Variants in GAP43 observed in about 807,000 individuals in gnomAD.
GAP43 encodes growth associated protein 43.
Under a neutral mutation model 18.6 loss-of-function variants are expected in GAP43, and 6 were observed. The observed-to-expected ratio is 0.32, with a 90% CI of 0.18 to 0.64. GAP43 has a LOEUF of 0.64. Ranked by LOEUF, GAP43 falls within the 30% of genes least tolerant of loss-of-function variation. The pLI, the probability that GAP43 is intolerant of heterozygous loss-of-function variation, is 0.78. For missense variants in GAP43, 292 were observed against 295.5 expected (o/e 0.99, Z 0.09); for synonymous variants, 115 against 111.4 (o/e 1.03, Z -0.20).
intron 1 of GAP43, among the ~76,000 whole-genome samples, chr3:115,667,205 G>C (rs1708745142): frequency 6.6e-6 from 1 of 152,124 alleles, no homozygotes; most frequent in Non-Finnish European, 1.5e-5. Flanking sequence ...AACAGATAAA[G>C]TTCTGTTCTC....
intron 2 of GAP43, among the ~76,000 whole-genome samples, chr3:115,693,779 G>C (rs187084573): frequency 6.3e-4 from 89 of 140,984 alleles, no homozygotes; most frequent in Non-Finnish European, 1.0e-3. Context: ...AAAATAAAAT[G>C]ATGGGGGCTG....
At chr3:115,640,290 T>C (rs1708379111) in intron 1 of GAP43, among the ~76,000 whole-genome samples, 1 of 152,046 alleles carries the variant, frequency 6.6e-6, no homozygotes, top group Admixed American at 6.6e-5. Context: ...GTGAAGAAGA[T>C]GCATGAGTAG....
rs115153263 is a variant in GAP43 at position 115,692,631 on chromosome 3, G to A, written c.628+16021G>A. ...ATGATGAAGCATTGGTGAGGATACC[G>A]GCCTTAGTAGTTTGTGCCAGTGAGG... On this transcript the variant is annotated intron_variant, in intron 2 of 2. Coordinates refer to ENST00000305124, the MANE Select transcript of GAP43 (RefSeq NM_002045.4). 2.8e-3 allele frequency among the ~76,000 whole-genome samples: 428 copies of A among 152,242 alleles called. 1 individual carries two copies. Among genetic ancestry groups the A allele is most frequent in the African/African-American group, 9.9e-3 (412 of 41,546 alleles).
At chr3:115,630,690 C>T (rs752377102) in intron 1 of GAP43, among the ~76,000 whole-genome samples, 1 of 152,184 alleles carries the variant, frequency 6.6e-6, no homozygotes, top group Non-Finnish European at 1.5e-5. Context: ...ATCTTGCTTA[C>T]TGCTCCCAAT....
At chr3:115,642,380 ACTATG>A (rs1708408352) in intron 1 of GAP43, among the ~76,000 whole-genome samples, 1 of 151,898 alleles carries the variant, frequency 6.6e-6, no homozygotes, top group South Asian at 2.1e-4. Context: ...TGAGCCAAGA[ACTATG>A]CTGGGTACTG....
At chr3:115,661,702 A>G (rs1708661309) in intron 1 of GAP43, among the ~76,000 whole-genome samples, 1 of 151,670 alleles carries the variant, frequency 6.6e-6, no homozygotes, top group African/African-American at 2.4e-5. Flanking sequence ...GTTAGCCAGG[A>G]TGGTCTCGAT....
chr3:115,624,345 A>G (rs1480583438), intron 1 of GAP43, among the ~76,000 whole-genome samples: 3 of 150,498 alleles, frequency 2.0e-5, no homozygotes, highest in African/African-American at 4.9e-5. Context: ...GGGCTGGGGG[A>G]GAAATTGGCC....
At chr3:115,694,961 G>A (rs931579072) in intron 2 of GAP43, among the ~76,000 whole-genome samples, 2 of 152,146 alleles carry the variant, frequency 1.3e-5, no homozygotes, top group African/African-American at 2.4e-5. Context: ...ATACAAATGC[G>A]ACTTTTTATT....
intron 1 of GAP43, among the ~76,000 whole-genome samples, chr3:115,624,744 G>A (rs1165367229): frequency 6.6e-6 from 1 of 152,156 alleles, no homozygotes; most frequent in African/African-American, 2.4e-5. Context: ...GGAATGACGA[G>A]TGTGGTATTC....
intron 2 of GAP43, among the ~76,000 whole-genome samples, chr3:115,684,886 C>T (rs114819856): frequency 0.021 from 3,157 of 152,174 alleles, 81 homozygotes; most frequent in African/African-American, 0.063. Flanking sequence ...TGAAAAGAGA[C>T]GTCATTTATT....
At chr3:115,699,201 C>T (rs114077237) in intron 2 of GAP43, among the ~76,000 whole-genome samples, 3,918 of 152,256 alleles carry the variant, frequency 0.026, 158 homozygotes, top group African/African-American at 0.087. Flanking sequence ...CATCCTGACA[C>T]CTGCTGAGTA....
At chr3:115,683,157 A>G (rs767766072) in intron 2 of GAP43, among the ~76,000 whole-genome samples, 7,952 of 146,702 alleles carry the variant, frequency 0.054, 332 homozygotes, top group Non-Finnish European at 0.071. Context: ...GCACACACAC[A>G]CACACACACA....
At chr3:115,640,878 A>G (rs1374713010) in intron 1 of GAP43, among the ~76,000 whole-genome samples, 1 of 151,748 alleles carries the variant, frequency 6.6e-6, no homozygotes, top group Non-Finnish European at 1.5e-5. Flanking sequence ...TATTTTCTCC[A>G]CGTGAAATTC....
intron 2 of GAP43, 32 bp downstream of exon 2, chr3:115,676,642 T>C: frequency 6.6e-7 from 1 of 1,520,834 alleles, no homozygotes; most frequent in South Asian, 1.3e-5. Context: ...ATGCAATGGG[T>C]GGATGGGGAA....
At chr3:115,673,467 A>T (rs183996715) in intron 1 of GAP43, among the ~76,000 whole-genome samples, 5 of 152,308 alleles carry the variant, frequency 3.3e-5, no homozygotes, top group Admixed American at 3.3e-4. Context: ...GAAACAATTG[A>T]CTTGTCTACT....
In GAP43 at chr3:115,703,986, T is replaced by G. The variant is rs189895331; in HGVS notation, c.629-16808T>G. Among the ~76,000 whole-genome samples, 67 of 152,218 alleles carry G rather than the reference T, an allele frequency of 4.4e-4. 1 individual carries two copies. The highest frequency in any genetic ancestry group is 1.3e-3 in the African/African-American group (54 of 41,560). On this transcript the variant is annotated intron_variant, in intron 2 of 2. Coordinates refer to ENST00000305124, the MANE Select transcript of GAP43 (RefSeq NM_002045.4). ...TCTGGTTGTGTTCCAGTGAGTGCTA[T>G]TGATTCCTAAAGTGATTTTTTACTC...
chr3:115,669,971 A>AT (rs1253749079), intron 1 of GAP43, among the ~76,000 whole-genome samples: 52 of 95,468 alleles, frequency 5.4e-4, no homozygotes, highest in South Asian at 4.4e-3. Context: ...TTTTATTTTT[A>AT]TTTTTTTTTT....
At chr3:115,659,166 C>T (rs1284702915) in intron 1 of GAP43, among the ~76,000 whole-genome samples, 1 of 152,062 alleles carries the variant, frequency 6.6e-6, no homozygotes, top group South Asian at 2.1e-4. Flanking sequence ...CAAAAGCGGA[C>T]CTTTGGAAAC....
In GAP43 at chr3:115,720,868, C is replaced by G. The variant is rs200536173; in HGVS notation, c.703C>G (p.Gln235Glu). 6.2e-7 allele frequency: 1 copy of G among 1,611,560 alleles called. No homozygotes were observed. The highest frequency in any genetic ancestry group is 2.2e-5 in the East Asian group (1 of 44,794). The change falls in exon 3 of 3, where the codon CAA (glutamine) becomes GAA (glutamate). Residue 235 changes from glutamine to glutamate, a missense_variant. By Grantham distance (29) the Gln-to-Glu change is conservative. Coordinates refer to ENST00000305124, the MANE Select transcript of GAP43 (RefSeq NM_002045.4). ...EGKEEEPEAD[Q>E]EHA ...TAAAGAAGAGGAACCTGAGGCTGAC[C>G]AAGAACATGCCTGAACTCTAAGAAA...
Sources: allele counts gnomAD v4.1 joint callset (sites outside exome capture counted in the v4.1 genomes callset), GRCh38; gene constraint gnomAD v4.1.1; transcripts MANE v1.5; gene names NCBI Gene and HGNC (gene_info 2026-07-23, HGNC 2026-07-21).